The following GALNT13 variants were observed in gnomAD, a reference collection of about 807,000 sequenced individuals.
The protein encoded by GALNT13 is UDP-GalNAc:polypeptide N-acetylgalactosaminyltransferase 13.
In GALNT13, 28 loss-of-function variants were observed where a neutral mutation model predicts 64.2. That is an observed-to-expected ratio of 0.44 (90% CI 0.32 to 0.60). The LOEUF is 0.60. Among genes scored for constraint, GALNT13 ranks in the 20% least tolerant of loss-of-function variants. The probability of loss-of-function intolerance (pLI) is 0.05; values close to 1 mark genes in which losing one functional copy is unlikely to be tolerated. For synonymous variants in GALNT13, 214 were observed against 224.6 expected (o/e 0.95, Z 0.42); for missense variants, 577 against 669.8 (o/e 0.86, Z 1.53).
the GALNT13 span, among the ~76,000 whole-genome samples, chr2:153,714,513 C>G: frequency 2.0e-5 from 3 of 152,178 alleles, no homozygotes; most frequent in Admixed American, 2.0e-4. Flanking sequence ...ATATTTCTCA[C>G]TATTCTAAAT....
chr2:154,084,102 G>A (rs55944116), intron 3 of GALNT13, among the ~76,000 whole-genome samples: 10,851 of 151,892 alleles, frequency 0.071, 463 homozygotes, highest in Middle Eastern at 0.14. Flanking sequence ...CAGTTTAAAC[G>A]CTGCCACAGA....
intron 4 of GALNT13, among the ~76,000 whole-genome samples, chr2:154,198,882 C>G (rs1001181729): frequency 2.6e-5 from 4 of 151,884 alleles, no homozygotes; most frequent in Non-Finnish European, 5.9e-5. Context: ...AATACAGTTA[C>G]TAGAGTAATA....
At chr2:153,239,784 C>CT in the GALNT13 span, among the ~76,000 whole-genome samples, 13 of 150,908 alleles carry the variant, frequency 8.6e-5, no homozygotes, top group Admixed American at 2.6e-4. Context: ...CTACAGCTTT[C>CT]TTTTTTTTTG....
the GALNT13 span, among the ~76,000 whole-genome samples, chr2:153,120,860 C>T: frequency 1.6e-4 from 25 of 152,186 alleles, no homozygotes; most frequent in African/African-American, 5.3e-4. Context: ...TTTCTGTTAA[C>T]GAGAGTGAAG....
the GALNT13 span, among the ~76,000 whole-genome samples, chr2:153,202,286 A>G: frequency 6.6e-6 from 1 of 152,176 alleles, no homozygotes; most frequent in African/African-American, 2.4e-5. Context: ...ATCCACACTC[A>G]GCCTTTTATC....
intron 8 of GALNT13, among the ~76,000 whole-genome samples, chr2:154,261,943 ACTCAC>A (rs952671907): frequency 7.2e-5 from 11 of 152,016 alleles, no homozygotes. Context: ...TAAGATTCTG[ACTCAC>A]CTCAAGGTAT....
the GALNT13 span, among the ~76,000 whole-genome samples, chr2:153,852,666 C>G: frequency 6.6e-6 from 1 of 152,146 alleles, no homozygotes; most frequent in African/African-American, 2.4e-5. Flanking sequence ...TAAAATTTAT[C>G]AAACATTCCA....
At chr2:153,601,452 TC>T in the GALNT13 span, among the ~76,000 whole-genome samples, 2 of 151,804 alleles carry the variant, frequency 1.3e-5, no homozygotes, top group Non-Finnish European at 1.5e-5. Context: ...ATAATATTTT[TC>T]CTTGAGGAGA....
chr2:153,552,575 CTTTTTT>C, the GALNT13 span, among the ~76,000 whole-genome samples: 12 of 69,326 alleles, frequency 1.7e-4, no homozygotes, highest in South Asian at 6.2e-4. Context: ...GCTTCTTCTT[CTTTTTT>C]TTTTTTTTTT....
At chr2:153,719,800 G>A in the GALNT13 span, among the ~76,000 whole-genome samples, 9 of 151,690 alleles carry the variant, frequency 5.9e-5, no homozygotes, top group East Asian at 9.8e-4. Flanking sequence ...CACCTGGCTC[G>A]GAGGGTCCTA....
chr2:154,325,726 G>T (rs191836386), intron 9 of GALNT13, among the ~76,000 whole-genome samples: 1 of 151,896 alleles, frequency 6.6e-6, no homozygotes, highest in South Asian at 2.1e-4. Flanking sequence ...ATCACCTCAT[G>T]CATTGTAACT....
the GALNT13 span, among the ~76,000 whole-genome samples, chr2:153,140,199 T>G: frequency 6.6e-6 from 1 of 152,038 alleles, no homozygotes; most frequent in Non-Finnish European, 1.5e-5. Flanking sequence ...CAGCTAATAT[T>G]TTTTGAGCAC....
At chr2:153,683,127 T>A in the GALNT13 span, among the ~76,000 whole-genome samples, 2 of 151,740 alleles carry the variant, frequency 1.3e-5, no homozygotes, top group Non-Finnish European at 2.9e-5. Flanking sequence ...CAGGTAGATA[T>A]ATGGCACATA....
intron 12 of GALNT13, among the ~76,000 whole-genome samples, chr2:154,440,951 G>T (rs1041305786): frequency 2.0e-5 from 3 of 152,040 alleles, no homozygotes; most frequent in Non-Finnish European, 4.4e-5. Context: ...TACATTTAGG[G>T]TTTCTTTAGT....
At chr2:153,623,999 CT>C in the GALNT13 span, among the ~76,000 whole-genome samples, 1 of 152,020 alleles carries the variant, frequency 6.6e-6, no homozygotes, top group African/African-American at 2.4e-5. Context: ...AGGTCCCAAA[CT>C]TTTTGTTCTA....
At chr2:153,281,003 A>C in the GALNT13 span, among the ~76,000 whole-genome samples, 5 of 152,162 alleles carry the variant, frequency 3.3e-5, no homozygotes, top group South Asian at 2.1e-4. Context: ...AAGTCTTTTC[A>C]TAGGACTAGA....
chr2:154,335,614 G>C (rs141004947), intron 9 of GALNT13, among the ~76,000 whole-genome samples: 181 of 151,884 alleles, frequency 1.2e-3, no homozygotes, highest in African/African-American at 4.2e-3. Context: ...TGTTCTTCTA[G>C]GTAGAGGAAA....
chr2:153,213,785 A>G, the GALNT13 span, among the ~76,000 whole-genome samples: 3 of 152,306 alleles, frequency 2.0e-5, no homozygotes, highest in African/African-American at 7.2e-5. Context: ...TTTTCTGAGG[A>G]TGACAGGAAG....
chr2:153,782,603 A>C, the GALNT13 span, among the ~76,000 whole-genome samples: 15 of 152,172 alleles, frequency 9.9e-5, no homozygotes, highest in African/African-American at 3.1e-4. Flanking sequence ...GGTGAGTTTA[A>C]TCTAACATAC....
Sources: gnomAD v4.1 joint callset for allele counts (sites outside exome capture counted in the v4.1 genomes callset) on GRCh38, gnomAD v4.1.1 for gene constraint, MANE v1.5 for transcripts, NCBI Gene and HGNC (gene_info 2026-07-23, HGNC 2026-07-21) for gene names.